PRKCQ: variants seen among roughly 807,000 people sequenced by gnomAD.
The protein encoded by PRKCQ is protein kinase C theta type.
Under a neutral mutation model 91.2 loss-of-function variants are expected in PRKCQ, and 41 were observed. That is an observed-to-expected ratio of 0.45 (90% CI 0.35 to 0.58). PRKCQ has a LOEUF of 0.58. Ranked by LOEUF, PRKCQ falls within the 20% of genes least tolerant of loss-of-function variation. The pLI, the probability that PRKCQ is intolerant of heterozygous loss-of-function variation, is 0.00. For missense variants in PRKCQ, 673 were observed against 896.5 expected (o/e 0.75, Z 3.18); for synonymous variants, 307 against 316.9 (o/e 0.97, Z 0.33).
chr10:6,557,724 T>C (rs1840474879), intron 1 of PRKCQ, among the ~76,000 whole-genome samples: 1 of 152,224 alleles, frequency 6.6e-6, no homozygotes, highest in South Asian at 2.1e-4. Context: ...CCAGGTGATG[T>C]TCCACCAGCC....
chr10:6,520,353 C>T (rs1554778368), intron 1 of PRKCQ, among the ~76,000 whole-genome samples: 2 of 152,068 alleles, frequency 1.3e-5, no homozygotes, highest in South Asian at 2.1e-4. Flanking sequence ...CCTGCTCCAC[C>T]GATTCTGCAC....
chr10:6,451,394 G>C (rs1330738961), intron 15 of PRKCQ, among the ~76,000 whole-genome samples: 1 of 152,120 alleles, frequency 6.6e-6, no homozygotes, highest in Admixed American at 6.6e-5. Flanking sequence ...TTGAATCTCT[G>C]AATAGACCAA....
chr10:6,479,794 A>AAAAAT (rs1383298520), intron 11 of PRKCQ, among the ~76,000 whole-genome samples: 1 of 147,198 alleles, frequency 6.8e-6, no homozygotes. Flanking sequence ...AAAAAAAAAA[A>AAAAAT]ATCCAAAAAT....
rs112431237 is a variant in PRKCQ at position 6,575,224 on chromosome 10, G to C, written c.-10+4987C>G. The stretch of plus-strand genomic sequence containing the variant: ...ATTTGCCTGACCACATCTCCCTGTG[G>C]GTTTTGCAGCACGGTGTGTGATCTG... On this transcript the variant is annotated intron_variant, in intron 1 of 17. Transcript: ENST00000263125. Among the ~76,000 whole-genome samples, 1,321 of 152,288 alleles carry C rather than the reference G, an allele frequency of 8.7e-3. 21 individuals carry two copies. Among genetic ancestry groups the C allele is most frequent in the African/African-American group, 0.03 (1,251 of 41,536 alleles).
At chr10:6,534,774 CTATA>C (rs56075764) in intron 1 of PRKCQ, among the ~76,000 whole-genome samples, 58,874 of 142,702 alleles carry the variant, frequency 0.41, 14,513 homozygotes, top group Admixed American at 0.56. Context: ...AAACATATAT[CTATA>C]TATATATATA....
At position 6,456,660 on chromosome 10, in the gene PRKCQ, C is replaced by G. The variant is rs751979877; in HGVS notation, c.1647+14G>C. On this transcript the variant is annotated intron_variant, in intron 15 of 17. Coordinates refer to ENST00000263125, the MANE Select transcript of PRKCQ (RefSeq NM_006257.5). ...GCATGGTGAGGTGGGAGCAGCCTGTCACTGCATTCCTACCTCTGGGGCGAT... is the reference window on the plus strand; with the variant it reads ...GCATGGTGAGGTGGGAGCAGCCTGTGACTGCATTCCTACCTCTGGGGCGAT... 4.3e-6 allele frequency: 7 copies of G among 1,613,648 alleles called. No homozygotes were observed. Among genetic ancestry groups the G allele is most frequent in the Non-Finnish European group, 5.9e-6 (7 of 1,179,702 alleles).
chr10:6,556,798 G>A (rs1249137687), intron 1 of PRKCQ, among the ~76,000 whole-genome samples: 1 of 151,890 alleles, frequency 6.6e-6, no homozygotes, highest in East Asian at 1.9e-4. Flanking sequence ...TTCCTAAACG[G>A]GCTGTCCCAC....
At chr10:6,427,103 G>C (rs1340467278), downstream of PRKCQ, 1 of 151,736 alleles carries the variant, frequency 6.6e-6, no homozygotes, top group Non-Finnish European at 1.5e-5. Context: ...GCAGAAGCAA[G>C]TTCTTGTGGG....
the PRKCQ span, among the ~76,000 whole-genome samples, chr10:6,400,923 G>A: frequency 6.2e-4 from 95 of 152,296 alleles, no homozygotes; most frequent in African/African-American, 2.2e-3. Flanking sequence ...ACCATAGTTC[G>A]TTCCCTTTTA....
At chr10:6,533,500 G>T (rs372063016) in intron 1 of PRKCQ, among the ~76,000 whole-genome samples, 2 of 152,074 alleles carry the variant, frequency 1.3e-5, no homozygotes, top group South Asian at 2.1e-4. Flanking sequence ...CCTGGCCTGG[G>T]TTCACTCCTG....
intron 9 of PRKCQ, 101 bp downstream of exon 9, chr10:6,485,934 C>G (rs4748095): frequency 0.14 from 140,721 of 1,014,410 alleles, 11,285 homozygotes; most frequent in Middle Eastern, 0.18. Flanking sequence ...AAATACATCC[C>G]GGCATTTCCC....
Position 6,511,115 on chromosome 10 carries a change from C to T in PRKCQ, c.198G>A (p.Lys66=), listed in dbSNP as rs146369826. 13 of 1,614,010 alleles carry T rather than the reference C, an allele frequency of 8.1e-6. No homozygotes were observed. The African/African-American group carries it at 1.5e-4, about 18-fold the overall frequency. The change falls in exon 3 of 18, where the codon AAG becomes AAA. Residue 66 remains lysine (K), a synonymous_variant. Transcript: ENST00000263125. ...WDSTFDAHIN[K]GRVMQIIVKG... ...TCACAATGATCTGCATGACTCTTCC[C>T]TTGTTGATATGGGCATCAAAAGTGC...
chr10:6,488,552 A>G (rs1229510077), intron 8 of PRKCQ, among the ~76,000 whole-genome samples: 1 of 151,778 alleles, frequency 6.6e-6, no homozygotes, highest in Non-Finnish European at 1.5e-5. Flanking sequence ...CACCCAGCTA[A>G]TTTTTGTTTT....
At chr10:6,562,990 GT>G (rs1231512794) in intron 1 of PRKCQ, among the ~76,000 whole-genome samples, 1 of 151,956 alleles carries the variant, frequency 6.6e-6, no homozygotes, top group East Asian at 1.9e-4. Context: ...TTACTTTTTA[GT>G]TTTTTTGTTG....
At chr10:6,440,364 T>C (rs1833909169) in intron 16 of PRKCQ, among the ~76,000 whole-genome samples, 1 of 152,224 alleles carries the variant, frequency 6.6e-6, no homozygotes, top group Non-Finnish European at 1.5e-5. Flanking sequence ...TGCCTGTATC[T>C]CAAGGGTTTC....
intron 7 of PRKCQ, among the ~76,000 whole-genome samples, chr10:6,494,505 G>A (rs1019357195): frequency 1.3e-5 from 2 of 152,046 alleles, no homozygotes; most frequent in Admixed American, 1.3e-4. Context: ...ATGCCTCCAA[G>A]ATGCCCCTGA....
intron 1 of PRKCQ, among the ~76,000 whole-genome samples, chr10:6,562,953 T>A (rs1289492965): frequency 6.6e-6 from 1 of 152,198 alleles, no homozygotes; most frequent in Non-Finnish European, 1.5e-5. Context: ...CTTCCAAGAT[T>A]TAGCACTAAA....
Position 6,498,392 on chromosome 10 carries a change from G to C in PRKCQ, c.542+4C>G. ...GCTTGGAGGGAGATGCCAAGTTACT[G>C]TACCAGACAAACTCGTGGCAGACAG... On this transcript the variant is annotated splice_donor_region_variant and intron_variant, in intron 5 of 17. Transcript: ENST00000263125. The C allele has an allele frequency of 6.2e-7, 1 of 1,613,996 alleles. No homozygotes were observed. Among genetic ancestry groups the C allele is most frequent in the Non-Finnish European group, 8.5e-7 (1 of 1,179,986 alleles).
At chr10:6,423,210 C>T (rs970753327), downstream of PRKCQ, among the ~76,000 whole-genome samples, 5 of 152,148 alleles carry the variant, frequency 3.3e-5, no homozygotes, top group African/African-American at 4.8e-5. Flanking sequence ...AGCAAAAGCC[C>T]TAGAGCAGGA....
Sources: allele counts gnomAD v4.1 joint callset (sites outside exome capture counted in the v4.1 genomes callset), GRCh38; gene constraint gnomAD v4.1.1; transcripts MANE v1.5; gene names NCBI Gene and HGNC (gene_info 2026-07-23, HGNC 2026-07-21).